CDH12: variants seen among roughly 807,000 people sequenced by gnomAD.
The protein encoded by CDH12 is cadherin-12.
Under a neutral mutation model 74.1 loss-of-function variants are expected in CDH12, and 41 were observed. The ratio of observed to expected loss-of-function variants is 0.55; its 90% CI spans 0.43 to 0.72. The LOEUF is 0.72. CDH12 is among the 30% of genes least tolerant of loss of function. The pLI is 0.00. For synonymous variants in CDH12, 399 were observed against 355.0 expected, an observed-to-expected ratio of 1.12 and a Z score of -1.39; for missense variants, 945 against 977.2, an observed-to-expected ratio of 0.97 and a Z score of 0.44.
intron 1 of CDH12, among the ~76,000 whole-genome samples, chr5:22,675,218 G>A (rs931056795): frequency 1.3e-5 from 2 of 152,118 alleles, no homozygotes; most frequent in Non-Finnish European, 2.9e-5. Flanking sequence ...CGCAGTCTAG[G>A]GACTTGGTGT....
intron 4 of CDH12, among the ~76,000 whole-genome samples, chr5:22,161,143 C>G (rs1374712223): frequency 6.6e-6 from 1 of 152,164 alleles, no homozygotes; most frequent in Non-Finnish European, 1.5e-5. Flanking sequence ...CTTCACTATT[C>G]TCATCCTCTC....
chr5:22,562,965 C>T (rs1236203755), intron 1 of CDH12, among the ~76,000 whole-genome samples: 4 of 146,558 alleles, frequency 2.7e-5, no homozygotes, highest in Non-Finnish European at 6.0e-5. Context: ...TTATATAATG[C>T]ATGTTTATTT....
rs114037761 is a variant in CDH12 at position 21,912,323 on chromosome 5, T to C, written c.527-57533A>G. Among the ~76,000 whole-genome samples, 1,039 of 152,144 alleles carry C rather than the reference T, an allele frequency of 6.8e-3. 11 individuals carry two copies. The highest frequency in any genetic ancestry group is 0.021 in the African/African-American group (888 of 41,512). On this transcript the variant is annotated intron_variant, in intron 6 of 14. Transcript: ENST00000382254. Reference sequence around the variant, plus strand: ...ATTGTTAAGCAACTTTTTTTTTTTTTCCAAGGGACTTACATAACTCTTAAT... The same window carrying C: ...ATTGTTAAGCAACTTTTTTTTTTTTCCCAAGGGACTTACATAACTCTTAAT...
At chr5:21,816,076 G>A (rs2149943986) in intron 9 of CDH12, among the ~76,000 whole-genome samples, 1 of 152,104 alleles carries the variant, frequency 6.6e-6, no homozygotes, top group Middle Eastern at 3.4e-3. Context: ...TTAAAATACA[G>A]TTGACTCCTG....
At chr5:21,881,439 G>A (rs1441066796) in intron 6 of CDH12, among the ~76,000 whole-genome samples, 2 of 152,168 alleles carry the variant, frequency 1.3e-5, no homozygotes, top group African/African-American at 4.8e-5. Flanking sequence ...TTAGTTAAGT[G>A]GTGGAGCTGG....
chr5:22,247,151 T>C (rs1296889273), intron 3 of CDH12, among the ~76,000 whole-genome samples: 1 of 152,172 alleles, frequency 6.6e-6, no homozygotes, highest in Non-Finnish European at 1.5e-5. Context: ...AGGAAAGCAA[T>C]TAGGCCCAGA....
chr5:22,069,034 G>A (rs535702194), intron 5 of CDH12, among the ~76,000 whole-genome samples: 15 of 152,290 alleles, frequency 9.8e-5, no homozygotes, highest in African/African-American at 3.6e-4. Context: ...GGAAGGAGCA[G>A]CATTTTGTTC....
At chr5:21,799,011 G>A (rs373406231) in intron 10 of CDH12, among the ~76,000 whole-genome samples, 12 of 152,120 alleles carry the variant, frequency 7.9e-5, no homozygotes, top group African/African-American at 2.9e-4. Flanking sequence ...TTCTGTTAAA[G>A]GTTCAGAAAG....
intron 5 of CDH12, among the ~76,000 whole-genome samples, chr5:22,036,466 C>A (rs924622953): frequency 2.6e-5 from 4 of 152,090 alleles, no homozygotes; most frequent in Non-Finnish European, 5.9e-5. Context: ...AGTTTGAGAA[C>A]ATTTTTTTCT....
At chr5:21,815,619 T>G (rs10074945) in intron 9 of CDH12, among the ~76,000 whole-genome samples, 30,464 of 152,054 alleles carry the variant, frequency 0.2, 3,503 homozygotes, top group East Asian at 0.41. Context: ...CCCAGCGCAG[T>G]CTGTCTTTCT....
chr5:22,134,179 G>A (rs1746331382), intron 4 of CDH12, among the ~76,000 whole-genome samples: 1 of 152,030 alleles, frequency 6.6e-6, no homozygotes, highest in Non-Finnish European at 1.5e-5. Context: ...TTCCATGAAT[G>A]GTAGATGAAG....
intron 1 of CDH12, among the ~76,000 whole-genome samples, chr5:22,556,659 A>AT (rs1158406457): frequency 2.6e-5 from 4 of 152,058 alleles, no homozygotes; most frequent in Non-Finnish European, 4.4e-5. Flanking sequence ...TCCAGATGAG[A>AT]TTTTTTATCA....
intron 2 of CDH12, among the ~76,000 whole-genome samples, chr5:22,428,206 TACACAC>T (rs60523110): frequency 0.74 from 110,492 of 150,166 alleles, 40,951 homozygotes; most frequent in Admixed American, 0.85. Flanking sequence ...TATATATATA[TACACAC>T]ACACACACAC....
chr5:21,934,780 A>G (rs138488200), intron 6 of CDH12, among the ~76,000 whole-genome samples: 1,663 of 150,314 alleles, frequency 0.011, 25 homozygotes, highest in African/African-American at 0.038. Flanking sequence ...TTCCCTCCAC[A>G]TTCTTCCTTT....
In CDH12 at chr5:22,240,081, A is replaced by G. The variant is rs539634760; in HGVS notation, c.-332-27438T>C. Among the ~76,000 whole-genome samples the G allele has an allele frequency of 2.0e-5, 3 of 152,312 alleles. No individual in the cohort carries two copies. The East Asian group carries it at 5.8e-4, about 29-fold the overall frequency. ...TATAGATAGTTATATGTGCATTTCA[A>G]GATAATTCATTTTCTCATAGAAATT... is the stretch of plus-strand genomic sequence containing the variant. On this transcript the variant is annotated intron_variant, in intron 3 of 14. Transcript: ENST00000382254.
chr5:22,615,538 C>T (rs545127194), intron 1 of CDH12, among the ~76,000 whole-genome samples: 10 of 152,130 alleles, frequency 6.6e-5, no homozygotes, highest in Admixed American at 6.6e-4. Flanking sequence ...ATGGAGGCTG[C>T]TCTTCAAGAT....
chr5:22,062,064 AAG>A (rs1741226701), intron 5 of CDH12, among the ~76,000 whole-genome samples: 1 of 152,128 alleles, frequency 6.6e-6, no homozygotes, highest in African/African-American at 2.4e-5. Flanking sequence ...AGGAAGAAAA[AAG>A]AAAATAAACA....
chr5:22,015,364 A>C (rs1737540823), intron 5 of CDH12, among the ~76,000 whole-genome samples: 1 of 152,262 alleles, frequency 6.6e-6, no homozygotes, highest in African/African-American at 2.4e-5. Flanking sequence ...CATAGTAGAG[A>C]TATACATATT....
chr5:22,201,649 A>T (rs1750929408), intron 4 of CDH12, among the ~76,000 whole-genome samples: 1 of 152,136 alleles, frequency 6.6e-6, no homozygotes, highest in African/African-American at 2.4e-5. Context: ...ACAAAATTGT[A>T]CTTGTACCCC....
Sources: gnomAD v4.1 joint callset for allele counts (sites outside exome capture counted in the v4.1 genomes callset) on GRCh38, gnomAD v4.1.1 for gene constraint, MANE v1.5 for transcripts, NCBI Gene and HGNC (gene_info 2026-07-23, HGNC 2026-07-21) for gene names.